Variants in TMEM181 observed in about 807,000 individuals in gnomAD.
TMEM181 encodes the protein transmembrane protein 181, also known as G protein-coupled receptor 178.
A neutral mutation model predicts 71.9 loss-of-function variants in TMEM181; 39 were observed. That is an observed-to-expected ratio of 0.54 (90% confidence interval 0.42 to 0.71). TMEM181 has a LOEUF of 0.71. TMEM181 is among the 30% of genes least tolerant of loss of function. The pLI, the probability that TMEM181 is intolerant of heterozygous loss-of-function variation, is 0.00. For missense variants in TMEM181, 595 were observed against 583.0 expected (o/e 1.02, Z -0.21); for synonymous variants, 245 against 228.8 (o/e 1.07, Z -0.64).
At chr6:158,569,145 A>G (rs1395826635) in intron 1 of TMEM181, among the ~76,000 whole-genome samples, 2 of 152,172 alleles carry the variant, frequency 1.3e-5, no homozygotes, top group Non-Finnish European at 2.9e-5. Flanking sequence ...GCTGTTTCAG[A>G]ACTTTTAGAT....
intron 6 of TMEM181, among the ~76,000 whole-genome samples, chr6:158,595,912 A>G (rs966366946): frequency 2.0e-5 from 3 of 152,016 alleles, no homozygotes; most frequent in Non-Finnish European, 4.4e-5. Flanking sequence ...TACTTGTCCA[A>G]TTCTTTTTAT....
intron 1 of TMEM181, among the ~76,000 whole-genome samples, chr6:158,538,466 T>TTTTTTTC (rs1781216262): frequency 6.6e-6 from 1 of 151,718 alleles, no homozygotes. Context: ...TTTTTTTTTT[T>TTTTTTTC]CCTGTATTTT....
At chr6:158,588,532 C>T (rs1783918039) in intron 5 of TMEM181, among the ~76,000 whole-genome samples, 1 of 152,234 alleles carries the variant, frequency 6.6e-6, no homozygotes, top group African/African-American at 2.4e-5. Flanking sequence ...CCACTGCAAC[C>T]TCCACCTCCC....
chr6:158,619,615 A>G (rs1785836582), intron 10 of TMEM181, among the ~76,000 whole-genome samples: 1 of 152,112 alleles, frequency 6.6e-6, no homozygotes, highest in African/African-American at 2.4e-5. Flanking sequence ...TCACGCCTAT[A>G]ATCCCAGCAC....
At chr6:158,618,845 C>G (rs1223449828) in intron 10 of TMEM181, among the ~76,000 whole-genome samples, 1 of 152,250 alleles carries the variant, frequency 6.6e-6, no homozygotes, top group Non-Finnish European at 1.5e-5. Context: ...TGTAGAGTTT[C>G]TGCTGAGAGA....
chr6:158,551,892 G>T (rs1173362763), intron 1 of TMEM181, among the ~76,000 whole-genome samples: 2 of 152,134 alleles, frequency 1.3e-5, no homozygotes, highest in African/African-American at 4.8e-5. Flanking sequence ...TGATATGACA[G>T]ATACAGTTTT....
chr6:158,629,772 T>C lies in TMEM181; in HGVS notation c.1235T>C (p.Leu412Pro). Residue 412 changes from leucine (L) to proline (P), a missense_variant, in exon 15 of 17, where the codon CTC becomes CCC. Transcript: ENST00000684151. ...LSFYGLLNFY[L>P]YTLAFVYSPS... ...TTCTATGGCCTGTTGAACTTCTATC[T>C]CTACACCTTGGCCTTTGTATATTCT... is the stretch of plus-strand genomic sequence containing the variant. 3 of 1,613,886 alleles carry C rather than the reference T, an allele frequency of 1.9e-6. No individual in the cohort carries two copies. Among genetic ancestry groups the C allele is most frequent in the Non-Finnish European group, 2.5e-6 (3 of 1,179,918 alleles).
At position 158,631,933 on chromosome 6, in the gene TMEM181, C is replaced by G. The variant is rs1786691427; in HGVS notation, c.*45C>G. 2 of 1,521,040 alleles carry G rather than the reference C, an allele frequency of 1.3e-6. No individual in the cohort carries two copies. The highest frequency in any genetic ancestry group is 3.9e-5 in the Admixed American group (2 of 51,182). 94.2% of individuals were successfully genotyped at this position (1,521,040 alleles called of 1,614,324 possible). A position where few individuals can be genotyped will look rare whatever the true frequency, so the allele number is the denominator to read the frequency against. The stretch of plus-strand genomic sequence containing the variant: ...GGCGACAAGATGCCTGGATGCTTTC[C>G]CCGGTGACCGTCTGCTGACCTTCCC... On this transcript the variant is annotated 3_prime_UTR_variant, in exon 17 of 17. Transcript: ENST00000684151.
intron 5 of TMEM181, among the ~76,000 whole-genome samples, chr6:158,587,398 C>A (rs535013681): frequency 6.6e-6 from 1 of 152,292 alleles, no homozygotes; most frequent in Admixed American, 6.5e-5. Context: ...TGCTTCTGTT[C>A]CTTGTCTACG....
chr6:158,567,329 C>T (rs1019032902), intron 1 of TMEM181, among the ~76,000 whole-genome samples: 4 of 152,210 alleles, frequency 2.6e-5, no homozygotes, highest in Non-Finnish European at 5.9e-5. Context: ...AGCCCCTTGC[C>T]TAGCATCTCT....
At chr6:158,587,492 T>TA (rs1259084473) in intron 5 of TMEM181, among the ~76,000 whole-genome samples, 1 of 152,104 alleles carries the variant, frequency 6.6e-6, no homozygotes, top group African/African-American at 2.4e-5. Context: ...ACCACCCTCT[T>TA]ATATTACTTT....
chr6:158,587,664 C>T (rs1333611367), intron 5 of TMEM181, among the ~76,000 whole-genome samples: 1 of 150,562 alleles, frequency 6.6e-6, no homozygotes, highest in African/African-American at 2.4e-5. Context: ...TAAAGAAAAG[C>T]CATTGTCTGA....
At chr6:158,618,259 TGTTG>T (rs1314531388) in intron 10 of TMEM181, among the ~76,000 whole-genome samples, 2 of 152,236 alleles carry the variant, frequency 1.3e-5, no homozygotes, top group Non-Finnish European at 2.9e-5. Context: ...TTTTGATCTT[TGTTG>T]GTTTAAAGTT....
intron 13 of TMEM181, 32 bp downstream of exon 13, chr6:158,625,786 A>G: frequency 6.3e-7 from 1 of 1,590,626 alleles, no homozygotes; most frequent in Non-Finnish European, 8.6e-7. Context: ...AAAACAGCAA[A>G]ACGGAATTTT....
intron 3 of TMEM181, among the ~76,000 whole-genome samples, chr6:158,581,887 T>C (rs1176763208): frequency 2.0e-5 from 3 of 152,160 alleles, no homozygotes; most frequent in African/African-American, 7.2e-5. Flanking sequence ...AAACCTTTTT[T>C]TGTGTGTGAA....
At chr6:158,609,716 T>G (rs530077902) in intron 10 of TMEM181, 1 of 262,912 alleles carries the variant, frequency 3.8e-6, no homozygotes, top group African/African-American at 2.3e-5. Context: ...TTAAAGACTG[T>G]AGAGGCAACT....
intron 1 of TMEM181, among the ~76,000 whole-genome samples, chr6:158,566,330 C>A (rs1782492349): frequency 1.3e-5 from 2 of 151,582 alleles, no homozygotes; most frequent in South Asian, 4.2e-4. Flanking sequence ...AAGCCCGAGA[C>A]AGGATGAGAT....
chr6:158,624,442 G>T (rs563696624), intron 11 of TMEM181, among the ~76,000 whole-genome samples: 1 of 152,252 alleles, frequency 6.6e-6, no homozygotes, highest in Non-Finnish European at 1.5e-5. Context: ...GGGGGATGGC[G>T]TGGGCCGGAG....
chr6:158,611,473 T>C, intron 10 of TMEM181: 1 of 532,758 alleles, frequency 1.9e-6, no homozygotes, highest in African/African-American at 1.9e-5. Context: ...GGTTCCTCAG[T>C]CGTATCATTC....
Sources: gnomAD v4.1 joint callset for allele counts (sites outside exome capture counted in the v4.1 genomes callset) on GRCh38, gnomAD v4.1.1 for gene constraint, MANE v1.5 for transcripts, NCBI Gene and HGNC (gene_info 2026-07-23, HGNC 2026-07-21) for gene names.